SERPINB11: variants seen among roughly 807,000 people sequenced by gnomAD.
SERPINB11 encodes serpin family B member 11, also known as serpin B11.
SERPINB11 carries 32 observed loss-of-function variants against 36.7 expected under a neutral mutation model. The ratio of observed to expected loss-of-function variants is 0.87; its 90% CI spans 0.66 to 1.17. The LOEUF (loss-of-function observed/expected upper bound fraction) is 1.17. SERPINB11 is among the 50% of genes most tolerant of loss of function. The probability of loss-of-function intolerance (pLI) is 0.00; values close to 1 mark genes in which losing one functional copy is unlikely to be tolerated. For synonymous variants in SERPINB11, 174 were observed against 168.1 expected (o/e 1.04, Z -0.27); for missense variants, 528 against 458.4 (o/e 1.15, Z -1.39).
chr18:63,717,376 T>C (rs1001576756), intron 5 of SERPINB11, among the ~76,000 whole-genome samples: 70 of 152,068 alleles, frequency 4.6e-4, no homozygotes, highest in Non-Finnish European at 1.5e-4. Flanking sequence ...GTATGCACTT[T>C]TATTGGGTGT....
chr18:63,711,131 G>C (rs963138469), intron 2 of SERPINB11, among the ~76,000 whole-genome samples: 3 of 152,032 alleles, frequency 2.0e-5, no homozygotes, highest in African/African-American at 7.3e-5. Flanking sequence ...ATAAAATGAG[G>C]GTAATAGTAT....
intron 1 of SERPINB11, among the ~76,000 whole-genome samples, chr18:63,703,266 C>A (rs1914286200): frequency 6.6e-6 from 1 of 152,170 alleles, no homozygotes; most frequent in Non-Finnish European, 1.5e-5. Flanking sequence ...AAATGGAACT[C>A]CGTTGATATT....
chr18:63,710,105 T>C, intron 1 of SERPINB11, 74 bp from the exon 2 acceptor site: 1 of 1,231,940 alleles, frequency 8.1e-7, no homozygotes, highest in Non-Finnish European at 1.1e-6. Flanking sequence ...ACTCATGAAA[T>C]ACAATAACTG....
In SERPINB11 at chr18:63,723,593, G is replaced by T. The variant is rs983050817; in HGVS notation, c.*194G>T. 2 of 522,170 alleles carry T rather than the reference G, an allele frequency of 3.8e-6. No homozygotes were observed. The highest frequency in any genetic ancestry group is 1.9e-5 in the African/African-American group (1 of 52,472). 32.3% of individuals were successfully genotyped at this position (522,170 alleles called of 1,614,324 possible). On this transcript the variant is annotated 3_prime_UTR_variant, in exon 8 of 8. Coordinates refer to ENST00000544088, the MANE Select transcript of SERPINB11 (RefSeq NM_001370475.1). Reference sequence around the variant, plus strand: ...TAAGGCTTTGTTAATCATGGAAAAAGGTAGATTTATGCAGAAAGCCTTTCT... The same window carrying T: ...TAAGGCTTTGTTAATCATGGAAAAATGTAGATTTATGCAGAAAGCCTTTCT...
At chr18:63,711,307 C>G in intron 2 of SERPINB11, 28 bp from the exon 3 acceptor site, 1 of 1,552,094 alleles carries the variant, frequency 6.4e-7, no homozygotes, top group Non-Finnish European at 8.9e-7. Flanking sequence ...CTTCTGATGC[C>G]AAAAGATCCC....
intron 5 of SERPINB11, among the ~76,000 whole-genome samples, chr18:63,717,111 C>A (rs575343922): frequency 2.0e-5 from 3 of 152,036 alleles, no homozygotes; most frequent in Non-Finnish European, 4.4e-5. Flanking sequence ...ATTAGTTCTG[C>A]CTGTTTTTAA....
At chr18:63,710,481 A>T in intron 2 of SERPINB11, 120 bp downstream of exon 2, 1 of 706,060 alleles carries the variant, frequency 1.4e-6, no homozygotes, top group Non-Finnish European at 2.2e-6. Context: ...GAGAAAAAAC[A>T]CATTGAATAA....
chr18:63,720,921 C>A lies in SERPINB11; in HGVS notation c.709C>A (p.Pro237Thr). 6.2e-7 allele frequency: 1 copy of A among 1,607,044 alleles called. No homozygotes were observed. The highest frequency in any genetic ancestry group is 8.5e-7 in the Non-Finnish European group (1 of 1,176,782). ...KEPQMQVLEL[P>T]YVNNKLSMII... ...GCCGCAGATGCAAGTTCTTGAGCTGCCCTACGTTAACAACAAATTAAGCAT... is the reference window on the plus strand; with the variant it reads ...GCCGCAGATGCAAGTTCTTGAGCTGACCTACGTTAACAACAAATTAAGCAT... The change falls in exon 7 of 8, where the codon CCC (proline) becomes ACC (threonine). Residue 237 changes from proline (P) to threonine (T), a missense_variant. Transcript: ENST00000544088.
chr18:63,711,479 C>T lies in SERPINB11; in HGVS notation c.228+85C>T, dbSNP rs1914525563. 4 of 1,028,318 alleles carry T rather than the reference C, an allele frequency of 3.9e-6. No individual in the cohort carries two copies. In the East Asian group the frequency reaches 9.5e-5, roughly 25 times the overall value. The allele number at this position is 1,028,318 out of a possible 1,614,324, so 63.7% of individuals were successfully genotyped here. A position where few individuals can be genotyped will look rare whatever the true frequency, so the allele number is the denominator to read the frequency against. ...AGTCTGGGTGTTGAGTAGAAAAGCT[C>T]CTTCTTTTGCCCATGAGGGAACCAG... On this transcript the variant is annotated intron_variant, in intron 3 of 7. Coordinates refer to ENST00000544088, the MANE Select transcript of SERPINB11 (RefSeq NM_001370475.1).
chr18:63,705,221 T>G lies in SERPINB11; in HGVS notation c.-16+2215T>G, dbSNP rs1280892262. 5 of 152,186 alleles carry G rather than the reference T, an allele frequency of 3.3e-5. No homozygotes were observed. In the East Asian group the frequency reaches 9.6e-4, roughly 29 times the overall value. 9.4% of individuals were successfully genotyped at this position (152,186 alleles called of 1,614,324 possible). On this transcript the variant is annotated intron_variant, in intron 1 of 7. Coordinates refer to ENST00000544088, the MANE Select transcript of SERPINB11 (RefSeq NM_001370475.1). ...TCCTGAGTAGCTGAGACTGCAAGTG[T>G]GTGCCACTGTGACTGGCTATGTTTT...
In SERPINB11 at chr18:63,712,844, T is replaced by C. The variant is rs570666257; in HGVS notation, c.357+151T>C. 1.6e-4 allele frequency among the ~76,000 whole-genome samples: 25 copies of C among 152,358 alleles called. 1 individual carries two copies. In the South Asian group the frequency reaches 5.2e-3, roughly 32 times the overall value. ...TTACAGTTTCAGTGAAATGGATTTA[T>C]TGAAACTCTCATGTAAAGTTCCCAA... On this transcript the variant is annotated intron_variant, in intron 4 of 7. Transcript: ENST00000544088.
upstream of SERPINB11, among the ~76,000 whole-genome samples, chr18:63,702,694 G>T (rs981646647): frequency 3.9e-5 from 6 of 152,220 alleles, no homozygotes; most frequent in Non-Finnish European, 2.9e-5. Context: ...TTTTAAAATA[G>T]AGATCAGGGT....
intron 3 of SERPINB11, among the ~76,000 whole-genome samples, chr18:63,712,024 A>G (rs1037881187): frequency 4.6e-5 from 7 of 152,344 alleles, no homozygotes; most frequent in Non-Finnish European, 1.0e-4. Flanking sequence ...TAGGGAATAT[A>G]GGAATATTGC....
rs1352963799 is a variant in SERPINB11, at chr18:63,723,143, A to T, written c.923A>T (p.Asp308Val). Residue 308 changes from aspartate (D) to valine (V), a missense_variant, in exon 8 of 8, where the codon GAT (aspartate) becomes GTT (valine). By Grantham distance (152) the Asp-to-Val change is radical (BLOSUM62 -3). Coordinates refer to ENST00000544088, the MANE Select transcript of SERPINB11 (RefSeq NM_001370475.1). ...CTGTTAAAATCTCTAGGGGTGACAG[A>T]TCTCTTCAACCAGGTCAAAGCTGAT... The part of the protein sequence containing the change: ...NSLLKSLGVT[D>V]LFNQVKADLS... 6.2e-7 allele frequency: 1 copy of T among 1,611,308 alleles called. No individual in the cohort carries two copies. Among genetic ancestry groups the T allele is most frequent in the South Asian group, 1.1e-5 (1 of 90,706 alleles).
chr18:63,710,210 C>G lies in SERPINB11; in HGVS notation c.17C>G (p.Thr6Arg), dbSNP rs771255779. 1 of 1,610,758 alleles carries G rather than the reference C, an allele frequency of 6.2e-7. No homozygotes were observed. Among genetic ancestry groups the G allele is most frequent in the Non-Finnish European group, 8.5e-7 (1 of 1,178,638 alleles). Residue 6 changes from threonine to arginine, a missense_variant, in exon 2 of 8, where the codon ACA (threonine) becomes AGA (arginine). Transcript: ENST00000544088. ...GGCATAAAAATGGGTTCTCTCAGCA[C>G]AGCTAACGTTGAATTTTGCCTTGAT... MGSLS[T>R]ANVEFCLDVF...
At chr18:63,716,219 C>A in intron 5 of SERPINB11, 67 bp downstream of exon 5, 1 of 995,644 alleles carries the variant, frequency 1.0e-6, no homozygotes, top group Non-Finnish European at 1.5e-6. Context: ...AGTCCACTTG[C>A]TAAAGAGGAA....
intron 7 of SERPINB11, among the ~76,000 whole-genome samples, chr18:63,721,973 T>C (rs1429818475): frequency 1.3e-5 from 2 of 152,168 alleles, no homozygotes; most frequent in African/African-American, 4.8e-5. Flanking sequence ...TGCAGAAAGT[T>C]TTCTGGAAGT....
chr18:63,722,891 G>A (rs1433526161), intron 7 of SERPINB11, 104 bp from the exon 8 acceptor site: 4 of 1,176,190 alleles, frequency 3.4e-6, no homozygotes, highest in East Asian at 2.6e-5. Flanking sequence ...TAGAAAAAGT[G>A]ATGAAGTTGA....
At position 63,712,603 on chromosome 18, in the gene SERPINB11, C is replaced by A; in HGVS notation, c.267C>A (p.Val89=). ...QAGRIHSEFG[V]EFSQINQPDS... The stretch of plus-strand genomic sequence containing the variant: ...GAAGAATTCATTCCGAGTTTGGTGT[C>A]GAATTCTCTCAAATCAACCAGCCAG... Residue 89 remains valine (V), a synonymous_variant, in exon 4 of 8, where the codon GTC becomes GTA. Transcript: ENST00000544088. 1 of 1,613,702 alleles carries A rather than the reference C, an allele frequency of 6.2e-7. No individual in the cohort carries two copies. The highest frequency in any genetic ancestry group is 8.5e-7 in the Non-Finnish European group (1 of 1,179,688).
Sources: gnomAD v4.1 joint callset for allele counts (sites outside exome capture counted in the v4.1 genomes callset) on GRCh38, gnomAD v4.1.1 for gene constraint, MANE v1.5 for transcripts, NCBI Gene and HGNC (gene_info 2026-07-23, HGNC 2026-07-21) for gene names.